Variants in SPPL3 observed in about 807,000 individuals in gnomAD.
SPPL3 encodes signal peptide peptidase like 3.
SPPL3 carries 5 observed loss-of-function variants against 42.4 expected under a neutral mutation model. The observed-to-expected ratio is 0.12, with a 90% CI of 0.06 to 0.25. SPPL3 has a LOEUF of 0.25. Ranked by LOEUF, SPPL3 falls within the 10% of genes least tolerant of loss-of-function variation. The probability of loss-of-function intolerance (pLI) is 1.00; values close to 1 mark genes in which losing one functional copy is unlikely to be tolerated. For synonymous variants in SPPL3, 195 were observed against 181.8 expected, an observed-to-expected ratio of 1.07 and a Z score of -0.58; for missense variants, 235 against 489.0, an observed-to-expected ratio of 0.48 and a Z score of 4.90.
intron 1 of SPPL3, among the ~76,000 whole-genome samples, chr12:120,876,024 C>CG (rs372060791): frequency 1.4e-5 from 2 of 146,252 alleles, no homozygotes; most frequent in African/African-American, 2.4e-5. Flanking sequence ...AGACCCCCCC[C>CG]ACCCAAATCA....
intron 2 of SPPL3, among the ~76,000 whole-genome samples, chr12:120,806,995 CA>C (rs1041218342): frequency 1.3e-5 from 2 of 151,898 alleles, no homozygotes; most frequent in Non-Finnish European, 2.9e-5. Flanking sequence ...GTGGCTTTAA[CA>C]AAATTAAAAT....
intron 1 of SPPL3, among the ~76,000 whole-genome samples, chr12:120,844,579 C>T (rs995373513): frequency 2.6e-5 from 4 of 152,180 alleles, no homozygotes; most frequent in Admixed American, 2.0e-4. Context: ...TCAATACAAA[C>T]ACTATGTCAG....
At chr12:120,768,673 C>T (rs1868994957) in intron 7 of SPPL3, 185 bp from the exon 8 acceptor site, 2 of 730,120 alleles carry the variant, frequency 2.7e-6, no homozygotes, top group Admixed American at 5.8e-5. Context: ...TCTCCACACC[C>T]AGAGATTACT....
In SPPL3 at chr12:120,768,401, G is replaced by A. The variant is rs1868986505; in HGVS notation, c.697C>T (p.Arg233Trp). ...PADNPLDVLS[R>W]KLHLGPNVGR... ...ACATTGGGCCCCAGGTGGAGCTTCCGGGATAGAACGTCAAGGGGATTGTCA... is the reference window on the plus strand; with the variant it reads ...ACATTGGGCCCCAGGTGGAGCTTCCAGGATAGAACGTCAAGGGGATTGTCA... The change falls in exon 8 of 11, where the codon CGG (arginine) becomes TGG (tryptophan). Residue 233 changes from arginine (R) to tryptophan (W), a missense_variant. Physicochemically the swap from Arg to Trp is moderately radical, Grantham distance 101 (BLOSUM62 -3). This residue lies in a region of SPPL3 where 20 missense variants were observed against 28.2 expected (regional missense o/e 0.71). Transcript: ENST00000353487. 6.2e-7 allele frequency: 1 copy of A among 1,614,180 alleles called. No homozygotes were observed. Among genetic ancestry groups the A allele is most frequent in the Non-Finnish European group, 8.5e-7 (1 of 1,180,022 alleles).
At chr12:120,852,754 T>TA (rs1393896019) in intron 1 of SPPL3, among the ~76,000 whole-genome samples, 2 of 92,932 alleles carry the variant, frequency 2.2e-5, no homozygotes, top group South Asian at 4.0e-4. Context: ...ATTTCATATA[T>TA]TATATCTATG....
At chr12:120,877,837 T>C (rs910773784) in intron 1 of SPPL3, among the ~76,000 whole-genome samples, 1 of 146,158 alleles carries the variant, frequency 6.8e-6, no homozygotes, top group African/African-American at 2.5e-5. Context: ...ATTTCAGGAA[T>C]GCAGGGCTGG....
chr12:120,849,030 G>A (rs1353694342), intron 1 of SPPL3, among the ~76,000 whole-genome samples: 1 of 151,858 alleles, frequency 6.6e-6, no homozygotes, highest in African/African-American at 2.4e-5. Context: ...TGGGCATGGT[G>A]GCACATGTCT....
chr12:120,791,452 G>C lies in SPPL3; in HGVS notation c.190+17C>G. 1 of 1,548,834 alleles carries C rather than the reference G, an allele frequency of 6.5e-7. No individual in the cohort carries two copies. Among genetic ancestry groups the C allele is most frequent in the African/African-American group, 1.4e-5 (1 of 72,548 alleles). ...AAAACTATATGTACAGAAGTTAATT[G>C]ACATAAAATATCTTACTATTATTGG... On this transcript the variant is annotated intron_variant, in intron 3 of 10. Coordinates refer to ENST00000353487, the MANE Select transcript of SPPL3 (RefSeq NM_139015.5).
intron 6 of SPPL3, among the ~76,000 whole-genome samples, chr12:120,777,241 A>AAGCC (rs1221454126): frequency 6.6e-6 from 1 of 152,224 alleles, no homozygotes; most frequent in Non-Finnish European, 1.5e-5. Context: ...CCTCATCAGG[A>AAGCC]AGCCACTGGA....
At chr12:120,888,696 G>A (rs1020874873) in intron 1 of SPPL3, among the ~76,000 whole-genome samples, 6 of 152,210 alleles carry the variant, frequency 3.9e-5, no homozygotes, top group African/African-American at 7.2e-5. Flanking sequence ...CTTTTGGGAT[G>A]AAGAAAATGT....
In SPPL3 at chr12:120,852,749, ATATAT is replaced by A. The variant is rs1019329097; in HGVS notation, c.24-41868_24-41864del. Among the ~76,000 whole-genome samples the A allele has an allele frequency of 9.2e-5, 6 of 64,888 alleles. 2 individuals carry two copies. The highest frequency in any genetic ancestry group is 8.3e-4 in the East Asian group (1 of 1,204). 42.6% of individuals were successfully genotyped at this position (64,888 alleles called of 152,430 possible). ...ATATAATATACATATAATATATTTC[ATATAT>A]TATATCTATGTATATTATATATAAA... On this transcript the variant is annotated intron_variant, in intron 1 of 10. Transcript: ENST00000353487.
At position 120,859,585 on chromosome 12, in the gene SPPL3, C is replaced by T. The variant is rs113149244; in HGVS notation, c.23+44260G>A. Among the ~76,000 whole-genome samples, 22 of 152,292 alleles carry T rather than the reference C, an allele frequency of 1.4e-4. 1 individual carries two copies. Among genetic ancestry groups the T allele is most frequent in the African/African-American group, 5.1e-4 (21 of 41,562 alleles). On this transcript the variant is annotated intron_variant, in intron 1 of 10. Transcript: ENST00000353487. Reference sequence around the variant, plus strand: ...TCAAATAATTCTTTTTGAAACTTATCTCTACAGCCATTATTATCCCAATTA... The same window carrying T: ...TCAAATAATTCTTTTTGAAACTTATTTCTACAGCCATTATTATCCCAATTA...
At chr12:120,810,667 A>T in intron 2 of SPPL3, 142 bp downstream of exon 2, 1 of 672,300 alleles carries the variant, frequency 1.5e-6, no homozygotes, top group South Asian at 1.9e-5. Flanking sequence ...TAAAGAACAA[A>T]TAGCAGAACT....
rs78136361 is a variant in SPPL3, at chr12:120,774,039, T to C, written c.503-4980A>G. ...TCATGCTAATCCTCCTCCACCTGCG[T>C]CTAAACTAAACATGGAACAGACTGC... is the stretch of plus-strand genomic sequence containing the variant. On this transcript the variant is annotated intron_variant, in intron 6 of 10. Coordinates refer to ENST00000353487, the MANE Select transcript of SPPL3 (RefSeq NM_139015.5). 2.6e-3 allele frequency among the ~76,000 whole-genome samples: 393 copies of C among 152,308 alleles called. 3 individuals carry two copies. Among genetic ancestry groups the C allele is most frequent in the African/African-American group, 9.2e-3 (383 of 41,564 alleles).
chr12:120,812,323 G>C (rs1242840150), intron 1 of SPPL3, among the ~76,000 whole-genome samples: 1 of 151,976 alleles, frequency 6.6e-6, no homozygotes, highest in African/African-American at 2.4e-5. Flanking sequence ...GTAGAGATGG[G>C]GTTTTACCAT....
chr12:120,825,271 G>GA (rs1383951468), intron 1 of SPPL3, among the ~76,000 whole-genome samples: 1 of 152,090 alleles, frequency 6.6e-6, no homozygotes, highest in Non-Finnish European at 1.5e-5. Context: ...TATTTAGTTT[G>GA]AAAAAACAAG....
intron 2 of SPPL3, among the ~76,000 whole-genome samples, chr12:120,797,099 G>A (rs779161106): frequency 4.5e-4 from 68 of 152,096 alleles, no homozygotes; most frequent in African/African-American, 5.8e-4. Context: ...CCCGGGAGGT[G>A]GAGGTGGCAG....
chr12:120,780,001 A>AT (rs892302896), intron 6 of SPPL3, among the ~76,000 whole-genome samples: 1 of 150,986 alleles, frequency 6.6e-6, no homozygotes, highest in African/African-American at 2.4e-5. Flanking sequence ...CCATCTCAAA[A>AT]AAAAAAAAAG....
intron 1 of SPPL3, among the ~76,000 whole-genome samples, chr12:120,852,784 A>G (rs1303128219): frequency 7.1e-6 from 1 of 140,028 alleles, no homozygotes; most frequent in East Asian, 2.0e-4. Flanking sequence ...TATAAAATAT[A>G]TTTCATATAT....
Sources: allele counts gnomAD v4.1 joint callset (sites outside exome capture counted in the v4.1 genomes callset), GRCh38; gene constraint gnomAD v4.1.1; regional missense constraint gnomAD v4.1.1; transcripts MANE v1.5; gene names NCBI Gene and HGNC (gene_info 2026-07-23, HGNC 2026-07-21).